TAF3: variants seen among roughly 807,000 people sequenced by gnomAD.
The protein encoded by TAF3 is transcription initiation factor TFIID subunit 3.
Under a neutral mutation model 80.6 loss-of-function variants are expected in TAF3, and 7 were observed. The observed-to-expected ratio is 0.09, with a 90% confidence interval of 0.05 to 0.16. The LOEUF is 0.16. Among genes scored for constraint, TAF3 ranks in the 10% least tolerant of loss-of-function variants. The pLI is 1.00. For missense variants in TAF3, 921 were observed against 1,140.2 expected, an observed-to-expected ratio of 0.81 and a Z score of 2.77; for synonymous variants, 444 against 446.1, an observed-to-expected ratio of 1.00 and a Z score of 0.06.
intron 3 of TAF3, among the ~76,000 whole-genome samples, chr10:7,974,162 ACACAC>A (rs1831648226): frequency 6.6e-6 from 1 of 151,720 alleles, no homozygotes; most frequent in Admixed American, 6.6e-5. Flanking sequence ...ACACACACAC[ACACAC>A]ACACAAACAC....
At position 7,964,894 on chromosome 10, in the gene TAF3, A is replaced by T. The variant is rs185510627; in HGVS notation, c.1384A>T (p.Asn462Tyr). Residue 462 changes from asparagine to tyrosine, a missense_variant, in exon 3 of 7, where the codon AAC becomes TAC. Transcript: ENST00000344293. The surrounding 1 kb of genome is among the most constrained non-coding windows in gnomAD (Gnocchi z 4.1). ...TTCCGGTGGAACCTCAAGTTCCGAT[A>T]ACTCATGGACAATGGATGCCTCCAT... ...PLSGGTSSSD[N>Y]SWTMDASIDE... 1 of 1,614,178 alleles carries T rather than the reference A, an allele frequency of 6.2e-7. No homozygotes were observed. The highest frequency in any genetic ancestry group is 8.5e-7 in the Non-Finnish European group (1 of 1,180,040).
At chr10:7,876,364 C>T (rs183836773) in intron 2 of TAF3, among the ~76,000 whole-genome samples, 1 of 152,228 alleles carries the variant, frequency 6.6e-6, no homozygotes, top group East Asian at 1.9e-4. Flanking sequence ...CTGGTTTTCT[C>T]TAAAATTAAT....
chr10:7,833,608 G>A (rs1396329285), intron 2 of TAF3: 1 of 162,428 alleles, frequency 6.2e-6, no homozygotes, highest in Non-Finnish European at 1.4e-5. Flanking sequence ...TCCCCAAGAG[G>A]GCTTCAGTTT....
rs1838179120 is a variant in TAF3, at chr10:7,960,428, A to G, written c.410-3492A>G. Among the ~76,000 whole-genome samples the G allele has an allele frequency of 1.3e-5, 2 of 152,216 alleles. 1 individual carries two copies. Among genetic ancestry groups the G allele is most frequent in the South Asian group, 4.1e-4 (2 of 4,834 alleles). ...TCTAGGCTTTCTTTGTTGCATGTAT[A>G]ACTGGAACACAGTAGACCCCAAAGG... is the stretch of plus-strand genomic sequence containing the variant. On this transcript the variant is annotated intron_variant, in intron 2 of 6. Coordinates refer to ENST00000344293, the MANE Select transcript of TAF3 (RefSeq NM_031923.4).
chr10:7,900,445 G>C (rs17143077), intron 2 of TAF3, among the ~76,000 whole-genome samples: 3,238 of 152,252 alleles, frequency 0.021, 120 homozygotes, highest in African/African-American at 0.073. Context: ...CTTTGTACAT[G>C]ACTGCTACTC....
At chr10:7,953,210 AG>A (rs1838101464) in intron 2 of TAF3, among the ~76,000 whole-genome samples, 1 of 152,220 alleles carries the variant, frequency 6.6e-6, no homozygotes. Flanking sequence ...CACTTCAAAA[AG>A]TAGGGTAGAG....
intron 2 of TAF3, among the ~76,000 whole-genome samples, chr10:7,905,854 G>C (rs1207696204): frequency 6.6e-6 from 1 of 151,962 alleles, no homozygotes; most frequent in East Asian, 1.9e-4. Context: ...CTGCACTCCA[G>C]CCTGGGTGAT....
intron 3 of TAF3, among the ~76,000 whole-genome samples, chr10:7,974,450 G>A (rs1232976961): frequency 6.6e-6 from 1 of 152,200 alleles, no homozygotes; most frequent in Admixed American, 6.5e-5. Flanking sequence ...GTGTCAATCA[G>A]TGCTAATCCA....
intron 4 of TAF3, among the ~76,000 whole-genome samples, chr10:7,982,054 T>C (rs1376732943): frequency 2.0e-5 from 3 of 152,208 alleles, no homozygotes; most frequent in Non-Finnish European, 4.4e-5. Flanking sequence ...TTTTAAAATA[T>C]AGCCAGATTT....
At chr10:7,900,584 G>A (rs1837548887) in intron 2 of TAF3, among the ~76,000 whole-genome samples, 1 of 152,198 alleles carries the variant, frequency 6.6e-6, no homozygotes, top group Non-Finnish European at 1.5e-5. Flanking sequence ...CCCCTATAAT[G>A]TGGGGCATGA....
chr10:8,014,515 C>A, intron 6 of TAF3, 122 bp from the exon 7 acceptor site: 1 of 776,978 alleles, frequency 1.3e-6, no homozygotes, highest in Non-Finnish European at 2.0e-6. Context: ...CAAGTTAGTG[C>A]TGCTTGACTT....
intron 4 of TAF3, among the ~76,000 whole-genome samples, chr10:7,997,732 G>A (rs957296715): frequency 3.3e-5 from 5 of 152,154 alleles, no homozygotes; most frequent in Admixed American, 6.5e-5. Context: ...GTGAGACATT[G>A]CTTATTCAAC....
intron 2 of TAF3, among the ~76,000 whole-genome samples, chr10:7,869,257 G>A (rs1837243384): frequency 6.6e-6 from 1 of 151,368 alleles, no homozygotes; most frequent in East Asian, 2.0e-4. Flanking sequence ...GTGTGTGTGT[G>A]TGTCTGTGTG....
intron 4 of TAF3, among the ~76,000 whole-genome samples, chr10:7,989,250 T>A (rs77881632): frequency 0.075 from 11,336 of 152,056 alleles, 1,448 homozygotes; most frequent in African/African-American, 0.26. Context: ...GTTGCTTGGA[T>A]CTAGAGGTAG....
intron 2 of TAF3, among the ~76,000 whole-genome samples, chr10:7,859,517 G>T (rs1837122491): frequency 6.6e-6 from 1 of 152,046 alleles, no homozygotes; most frequent in Non-Finnish European, 1.5e-5. Flanking sequence ...TCTGAGATAG[G>T]GCTGTCCACT....
chr10:7,846,000 C>A (rs931439069), intron 2 of TAF3, among the ~76,000 whole-genome samples: 3 of 149,630 alleles, frequency 2.0e-5, no homozygotes, highest in Non-Finnish European at 4.4e-5. Flanking sequence ...CGCCTGTCAC[C>A]CAGGCTGGAG....
chr10:7,959,054 G>C (rs1175502648), intron 2 of TAF3, among the ~76,000 whole-genome samples: 3 of 151,852 alleles, frequency 2.0e-5, no homozygotes, highest in African/African-American at 7.3e-5. Context: ...GCAGGAGAAT[G>C]CCGTGAACCC....
At chr10:7,829,283 A>G (rs563827821) in intron 2 of TAF3, among the ~76,000 whole-genome samples, 6 of 152,306 alleles carry the variant, frequency 3.9e-5, no homozygotes, top group Admixed American at 1.3e-4. Flanking sequence ...TTACGTGACT[A>G]TGGTACGTGT....
At chr10:7,996,696 G>A (rs1831890544) in intron 4 of TAF3, among the ~76,000 whole-genome samples, 1 of 151,658 alleles carries the variant, frequency 6.6e-6, no homozygotes, top group African/African-American at 2.4e-5. Context: ...CTCACTCTGG[G>A]ATTTTTTTTG....
Sources: allele counts gnomAD v4.1 joint callset (sites outside exome capture counted in the v4.1 genomes callset), GRCh38; gene constraint gnomAD v4.1.1; non-coding constraint Gnocchi (gnomAD v3.1); transcripts MANE v1.5; gene names NCBI Gene and HGNC (gene_info 2026-07-23, HGNC 2026-07-21).